The following IPO9 variants were observed in gnomAD, a reference collection of about 807,000 sequenced individuals.
The protein encoded by IPO9 is importin 9, also known as importin-9.
In IPO9, 28 loss-of-function variants were observed where a neutral mutation model predicts 128.6. The ratio of observed to expected loss-of-function variants is 0.22; its 90% confidence interval spans 0.16 to 0.30. The LOEUF (loss-of-function observed/expected upper bound fraction) is 0.30, where lower values mean the gene tolerates loss of function less well. Among genes scored for constraint, IPO9 ranks in the 10% least tolerant of loss-of-function variants. The pLI is 1.00. For missense variants in IPO9, 935 were observed against 1,293.9 expected, an observed-to-expected ratio of 0.72 and a Z score of 4.26; for synonymous variants, 455 against 475.8, an observed-to-expected ratio of 0.96 and a Z score of 0.57.
In IPO9 at chr1:201,855,120, A is replaced by C; in HGVS notation, c.912-4A>C. On this transcript the variant is annotated splice_polypyrimidine_tract_variant and splice_region_variant and intron_variant, in intron 8 of 23. Transcript: ENST00000361565. The stretch of plus-strand genomic sequence containing the variant: ...AAATTCTATTTCTTTACTCTTCATC[A>C]TACTTATGTGAGGACAGAAGTAAAT... 6.4e-7 allele frequency: 1 copy of C among 1,573,454 alleles called. No homozygotes were observed.
intron 1 of IPO9, among the ~76,000 whole-genome samples, chr1:201,843,372 A>G (rs1465314167): frequency 6.6e-6 from 1 of 152,152 alleles, no homozygotes; most frequent in African/African-American, 2.4e-5. Context: ...AGACCATTGC[A>G]TCAGGTAGGG....
At position 201,878,883 on chromosome 1, in the gene IPO9, TCA is replaced by T. The variant is rs1257865722; in HGVS notation, c.*2830_*2831del. ...TGTCTTTGGCCAAAGAGAACTAGCT[TCA>T]GTCTGAAAAGGGCAGGGCTAAGTGG... On this transcript the variant is annotated 3_prime_UTR_variant, in exon 24 of 24. Transcript: ENST00000361565. The T allele has an allele frequency of 1.3e-5, 2 of 152,106 alleles. No homozygotes were observed. The highest frequency in any genetic ancestry group is 2.9e-5 in the Non-Finnish European group (2 of 68,024). The allele number at this position is 152,106 out of a possible 1,614,324, so 9.4% of individuals were successfully genotyped here. A position where few individuals can be genotyped will look rare whatever the true frequency, so the allele number is the denominator to read the frequency against.
In IPO9 at chr1:201,841,045, A is replaced by G. The variant is rs548316946; in HGVS notation, c.164-6234A>G. Among the ~76,000 whole-genome samples the G allele has an allele frequency of 1.4e-3, 219 of 152,320 alleles. 1 individual carries two copies. The highest frequency in any genetic ancestry group is 4.9e-3 in the African/African-American group (205 of 41,570). On this transcript the variant is annotated intron_variant, in intron 1 of 23. Coordinates refer to ENST00000361565, the MANE Select transcript of IPO9 (RefSeq NM_018085.5). ...GAATCATGGTAATGTTTCACATACC[A>G]AAAATAAATAAATAATTAAAATTAA... is the stretch of plus-strand genomic sequence containing the variant.
At chr1:201,857,720 G>A (rs540245488) in intron 11 of IPO9, among the ~76,000 whole-genome samples, 2 of 151,586 alleles carry the variant, frequency 1.3e-5, no homozygotes, top group Non-Finnish European at 2.9e-5. Flanking sequence ...GCTTGAACCC[G>A]GGAGGCGGAG....
chr1:201,860,942 C>T (rs1680433117), intron 13 of IPO9, among the ~76,000 whole-genome samples: 1 of 151,996 alleles, frequency 6.6e-6, no homozygotes. Context: ...CTGAGGTGGG[C>T]GGATCATGAG....
rs184160428 is a variant in IPO9, at chr1:201,879,301, G to A, written c.*3247G>A. On this transcript the variant is annotated 3_prime_UTR_variant, in exon 24 of 24. Transcript: ENST00000361565. ...GAATCTTCTTTAATTTTGTTAACTA[G>A]GTAAATAATCTGGACATTTTAGTCA... The A allele has an allele frequency of 1.5e-3, 236 of 152,308 alleles. No individual in the cohort carries two copies. The highest frequency in any genetic ancestry group is 5.1e-3 in the African/African-American group (211 of 41,554). The allele number at this position is 152,308 out of a possible 1,614,324, so 9.4% of individuals were successfully genotyped here. A position where few individuals can be genotyped will look rare whatever the true frequency, so the allele number is the denominator to read the frequency against.
chr1:201,846,910 C>T (rs1680133536), intron 1 of IPO9, among the ~76,000 whole-genome samples: 1 of 152,162 alleles, frequency 6.6e-6, no homozygotes, highest in Non-Finnish European at 1.5e-5. Context: ...CTCAAGTGAT[C>T]CACCCACCTC....
At position 201,870,167 on chromosome 1, in the gene IPO9, G is replaced by A. The variant is rs1392912955; in HGVS notation, c.2134-416G>A. 6.6e-6 allele frequency among the ~76,000 whole-genome samples: 1 copy of A among 152,194 alleles called. No individual in the cohort carries two copies. Among genetic ancestry groups the A allele is most frequent in the African/African-American group, 2.4e-5 (1 of 41,428 alleles). On this transcript the variant is annotated intron_variant, in intron 17 of 23. Coordinates refer to ENST00000361565, the MANE Select transcript of IPO9 (RefSeq NM_018085.5). This position sits in a 1 kb window ranked among gnomAD's most constrained non-coding sequence, Gnocchi z 4.9. ...TTGATTAGAAAGGTTATAGGAACTTGCCAGTGAATATTGATCAGCTTGGAA... is the reference window on the plus strand; with the variant it reads ...TTGATTAGAAAGGTTATAGGAACTTACCAGTGAATATTGATCAGCTTGGAA...
intron 1 of IPO9, among the ~76,000 whole-genome samples, chr1:201,839,048 T>C (rs989162873): frequency 6.6e-6 from 1 of 151,432 alleles, no homozygotes; most frequent in Non-Finnish European, 1.5e-5. Flanking sequence ...GCCTCCCAAG[T>C]AGCTGGGACT....
At chr1:201,856,429 T>A (rs965869518) in intron 10 of IPO9, among the ~76,000 whole-genome samples, 1 of 152,158 alleles carries the variant, frequency 6.6e-6, no homozygotes, top group Non-Finnish European at 1.5e-5. Context: ...AGATAACGCC[T>A]CGTTTAAAAC....
intron 1 of IPO9, among the ~76,000 whole-genome samples, chr1:201,840,062 T>C (rs889312651): frequency 6.6e-6 from 1 of 152,348 alleles, no homozygotes; most frequent in African/African-American, 2.4e-5. Flanking sequence ...GAATTAACCA[T>C]TTATCACCTG....
intron 4 of IPO9, among the ~76,000 whole-genome samples, chr1:201,849,259 G>T (rs1192740982): frequency 1.3e-5 from 2 of 152,100 alleles, no homozygotes; most frequent in Non-Finnish European, 2.9e-5. Flanking sequence ...AGATTTGATG[G>T]ATATCTCTTC....
chr1:201,857,283 C>T (rs756302958), intron 11 of IPO9, 89 bp downstream of exon 11: 42 of 873,348 alleles, frequency 4.8e-5, no homozygotes, highest in Non-Finnish European at 7.3e-5. Flanking sequence ...CCAAGGTGAG[C>T]AGTGTTGTTG....
chr1:201,870,464 T>C lies in IPO9; in HGVS notation c.2134-119T>C. ...AGTGGTATGAGCCCACCACAAACAT[T>C]ATAGACTCACCGCTTTTATGAGGCA... On this transcript the variant is annotated intron_variant, in intron 17 of 23. Transcript: ENST00000361565. The surrounding 1 kb of genome is among the most constrained non-coding windows in gnomAD (Gnocchi z 4.9). The C allele has an allele frequency of 8.8e-7, 1 of 1,137,808 alleles. No individual in the cohort carries two copies. The highest frequency in any genetic ancestry group is 1.2e-6 in the Non-Finnish European group (1 of 818,042). 70.5% of individuals were successfully genotyped at this position (1,137,808 alleles called of 1,614,324 possible). A position where few individuals can be genotyped will look rare whatever the true frequency, so the allele number is the denominator to read the frequency against.
chr1:201,838,048 C>T (rs112452245), intron 1 of IPO9, among the ~76,000 whole-genome samples: 2,608 of 151,882 alleles, frequency 0.017, 85 homozygotes, highest in African/African-American at 0.06. Flanking sequence ...CCAGTCTGGG[C>T]AACAAGAGTG....
At position 201,867,055 on chromosome 1, in the gene IPO9, A is replaced by T. The variant is rs376825362; in HGVS notation, c.1855+96A>T. ...AGATTCCCTAGGTCTGGTCTTAGCT[A>T]TGAAGCTATGGTTTTAACATCGTAA... On this transcript the variant is annotated intron_variant, in intron 15 of 23. Coordinates refer to ENST00000361565, the MANE Select transcript of IPO9 (RefSeq NM_018085.5). 1.5e-4 allele frequency: 152 copies of T among 1,008,748 alleles called. 1 individual carries two copies. The East Asian group carries it at 3.0e-3, about 20-fold the overall frequency. The allele number at this position is 1,008,748 out of a possible 1,614,324, so 62.5% of individuals were successfully genotyped here.
rs571580169 is a variant in IPO9 at position 201,873,444 on chromosome 1, C to CAAAA, written c.2710+502_2710+505dup. 2.4e-4 allele frequency among the ~76,000 whole-genome samples: 14 copies of CAAAA among 58,198 alleles called. 1 individual carries two copies. The highest frequency in any genetic ancestry group is 4.5e-4 in the African/African-American group (6 of 13,224). The allele number at this position is 58,198 out of a possible 152,430, so 38.2% of individuals were successfully genotyped here. A position where few individuals can be genotyped will look rare whatever the true frequency, so the allele number is the denominator to read the frequency against. On this transcript the variant is annotated intron_variant, in intron 20 of 23. Transcript: ENST00000361565. Reference sequence around the variant, plus strand: ...TGGACAACAAAATGAGACTCCGTCTCAAAAAAAAAAAAAAAAAAAAAATGC... The same window carrying CAAAA: ...TGGACAACAAAATGAGACTCCGTCTCAAAAAAAAAAAAAAAAAAAAAAAAAATGC...
intron 20 of IPO9, 81 bp downstream of exon 20, chr1:201,873,042 G>A: frequency 7.1e-7 from 1 of 1,411,442 alleles, no homozygotes; most frequent in East Asian, 2.5e-5. Context: ...GGAATGCACT[G>A]TGGTGTATAT....
intron 13 of IPO9, among the ~76,000 whole-genome samples, chr1:201,863,080 G>A (rs1176504916): frequency 6.6e-6 from 1 of 151,952 alleles, no homozygotes; most frequent in Non-Finnish European, 1.5e-5. Flanking sequence ...GCCGGATGCG[G>A]TGGCTCATGC....
Sources: gnomAD v4.1 joint callset for allele counts (sites outside exome capture counted in the v4.1 genomes callset) on GRCh38, gnomAD v4.1.1 for gene constraint, Gnocchi (gnomAD v3.1) non-coding constraint, MANE v1.5 for transcripts, NCBI Gene and HGNC (gene_info 2026-07-23, HGNC 2026-07-21) for gene names.